The following THRB variants were observed in gnomAD, a reference collection of about 807,000 sequenced individuals.
THRB encodes thyroid hormone receptor beta.
THRB carries 12 observed loss-of-function variants against 47.8 expected under a neutral mutation model. That is an observed-to-expected ratio of 0.25 (90% confidence interval 0.16 to 0.41). The LOEUF is 0.41. Among genes scored for constraint, THRB ranks in the 10% least tolerant of loss-of-function variants. THRB has a pLI of 1.00. For missense variants in THRB, 348 were observed against 589.2 expected (o/e 0.59, Z 4.24); for synonymous variants, 218 against 212.2 (o/e 1.03, Z -0.24).
intron 1 of THRB, among the ~76,000 whole-genome samples, chr3:24,373,355 G>A (rs553329218): frequency 1.1e-3 from 170 of 152,192 alleles, no homozygotes; most frequent in Middle Eastern, 6.8e-3. Flanking sequence ...TTTAACCCCA[G>A]TCTGATCCTT....
intron 3 of THRB, among the ~76,000 whole-genome samples, chr3:24,229,717 ACTGGTGGGTGATGAAC>A (rs1314962996): frequency 6.6e-6 from 1 of 152,202 alleles, no homozygotes; most frequent in Non-Finnish European, 1.5e-5. Flanking sequence ...ACAGATGGAC[ACTGGTGGGTGATGAAC>A]CTGGGTCACA....
chr3:24,275,522 A>G (rs1275470650), intron 3 of THRB, among the ~76,000 whole-genome samples: 2 of 152,190 alleles, frequency 1.3e-5, no homozygotes, highest in African/African-American at 2.4e-5. Context: ...GGTCAGGGGG[A>G]AAAAGCTGAC....
chr3:24,420,123 T>C (rs917664621), intron 1 of THRB, among the ~76,000 whole-genome samples: 1 of 151,962 alleles, frequency 6.6e-6, no homozygotes, highest in Non-Finnish European at 1.5e-5. Context: ...GCCTGGCATG[T>C]CATAGTGCTT....
Position 24,146,668 on chromosome 3 carries a change from T to A in THRB, c.532+7A>T. 5.0e-6 allele frequency: 8 copies of A among 1,613,972 alleles called. No individual in the cohort carries two copies. The highest frequency in any genetic ancestry group is 6.8e-6 in the Non-Finnish European group (8 of 1,179,804). On this transcript the variant is annotated splice_region_variant and intron_variant, in intron 7 of 10. Transcript: ENST00000646209. ...CTTGAATATGAAGCAAGTGAAGATC[T>A]ACTTACAATCTGTTGCCATGCCAAC...
Position 24,208,368 on chromosome 3 carries a change from G to C in THRB, c.23-18034C>G, listed in dbSNP as rs191483686. On this transcript the variant is annotated intron_variant, in intron 4 of 10. Transcript: ENST00000646209. Reference sequence around the variant, plus strand: ...AACTACTTTAAAGTTCATATGGAACGAAAAAAGAGCCCGCATTGCCAAGAC... The same window carrying C: ...AACTACTTTAAAGTTCATATGGAACCAAAAAAGAGCCCGCATTGCCAAGAC... Among the ~76,000 whole-genome samples the C allele has an allele frequency of 3.0e-3, 453 of 152,106 alleles. 4 individuals are homozygous for C. In the East Asian group the frequency reaches 0.031, roughly 10 times the overall value.
chr3:24,324,113 A>G (rs536382613), intron 2 of THRB, among the ~76,000 whole-genome samples: 1 of 152,206 alleles, frequency 6.6e-6, no homozygotes, highest in South Asian at 2.1e-4. Context: ...GCTTCATCTC[A>G]GTTTCAACTG....
Position 24,298,345 on chromosome 3 carries a change from C to T in THRB, c.-188-974G>A, listed in dbSNP as rs55927517. Among the ~76,000 whole-genome samples the T allele has an allele frequency of 9.7e-3, 1,479 of 152,242 alleles. 9 individuals are homozygous for T. The highest frequency in any genetic ancestry group is 0.015 in the Non-Finnish European group (1,052 of 68,014). ...AGGTACTATCCACGCCCCATGGGAACCACAAACCTGATTCTAACATTTCTC... is the reference window on the plus strand; with the variant it reads ...AGGTACTATCCACGCCCCATGGGAATCACAAACCTGATTCTAACATTTCTC... On this transcript the variant is annotated intron_variant, in intron 2 of 10. Coordinates refer to ENST00000646209, the MANE Select transcript of THRB (RefSeq NM_001354712.2).
intron 1 of THRB, among the ~76,000 whole-genome samples, chr3:24,436,033 A>G (rs2070909566): frequency 6.6e-6 from 1 of 152,184 alleles, no homozygotes; most frequent in African/African-American, 2.4e-5. Flanking sequence ...AGAATTAAAA[A>G]TGACACTTAC....
intron 2 of THRB, among the ~76,000 whole-genome samples, chr3:24,319,299 C>G (rs2058324334): frequency 1.3e-5 from 2 of 152,234 alleles, no homozygotes; most frequent in Admixed American, 1.3e-4. Context: ...AAGACAGTCC[C>G]AAACTGGAAA....
intron 10 of THRB, among the ~76,000 whole-genome samples, 195 bp downstream of exon 10, chr3:24,127,304 C>T (rs1420008641): frequency 1.9e-4 from 29 of 152,096 alleles, no homozygotes; most frequent in Admixed American, 1.9e-3. Flanking sequence ...TATCCTGGGA[C>T]ACTGCAAAAA....
At chr3:24,375,968 A>T (rs1234100879) in intron 1 of THRB, among the ~76,000 whole-genome samples, 1 of 152,168 alleles carries the variant, frequency 6.6e-6, no homozygotes, top group Non-Finnish European at 1.5e-5. Flanking sequence ...ATTTCTCACA[A>T]AGGATTTACC....
At chr3:24,182,061 C>A (rs1028683661) in intron 5 of THRB, among the ~76,000 whole-genome samples, 1 of 151,990 alleles carries the variant, frequency 6.6e-6, no homozygotes, top group South Asian at 2.1e-4. Context: ...GTTAGCCGGG[C>A]GTGGTGGCGG....
intron 7 of THRB, 29 bp from the exon 8 acceptor site, chr3:24,143,735 C>CACACAGATGCTCCCAAGAT (rs2035741863): frequency 6.2e-7 from 1 of 1,609,712 alleles, no homozygotes; most frequent in Non-Finnish European, 8.5e-7. Context: ...TGAGACAAGG[C>CACACAGATGCTCCCAAGAT]ACACAGATGC....
At chr3:24,293,943 C>T (rs1317624395) in intron 3 of THRB, among the ~76,000 whole-genome samples, 1 of 152,172 alleles carries the variant, frequency 6.6e-6, no homozygotes, top group Non-Finnish European at 1.5e-5. Flanking sequence ...ATTGTTTCCA[C>T]AAATGGCTGC....
intron 1 of THRB, among the ~76,000 whole-genome samples, chr3:24,452,304 C>A (rs751427008): frequency 1.3e-5 from 2 of 152,080 alleles, no homozygotes; most frequent in Admixed American, 6.5e-5. Flanking sequence ...ATTTTTGGCA[C>A]CCCCTTCCGT....
At chr3:24,384,947 A>G (rs1197355049) in intron 1 of THRB, among the ~76,000 whole-genome samples, 2 of 152,144 alleles carry the variant, frequency 1.3e-5, no homozygotes, top group Non-Finnish European at 2.9e-5. Flanking sequence ...GGGAAAAGTC[A>G]TTGAGCCACA....
chr3:24,427,326 T>A (rs1469681379), intron 1 of THRB, among the ~76,000 whole-genome samples: 2 of 152,018 alleles, frequency 1.3e-5, no homozygotes, highest in Admixed American at 1.3e-4. Flanking sequence ...CAACCCTCCC[T>A]TGACAACTTC....
At chr3:24,240,887 T>A (rs2049417661) in intron 3 of THRB, among the ~76,000 whole-genome samples, 1 of 151,916 alleles carries the variant, frequency 6.6e-6, no homozygotes, top group African/African-American at 2.4e-5. Context: ...TAAGGTGCCA[T>A]CCTGGTAGGC....
At chr3:24,159,724 C>G (rs1214298622) in intron 5 of THRB, among the ~76,000 whole-genome samples, 1 of 131,724 alleles carries the variant, frequency 7.6e-6, no homozygotes, top group Non-Finnish European at 1.6e-5. Flanking sequence ...GTTGCCACAA[C>G]TGCTGTGTGT....
Sources: allele counts gnomAD v4.1 joint callset (sites outside exome capture counted in the v4.1 genomes callset), GRCh38; gene constraint gnomAD v4.1.1; transcripts MANE v1.5; gene names NCBI Gene and HGNC (gene_info 2026-07-23, HGNC 2026-07-21).